The following SMC3 variants were observed in gnomAD, a reference collection of about 807,000 sequenced individuals.
SMC3 encodes structural maintenance of chromosomes protein 3.
A neutral mutation model predicts 171.8 loss-of-function variants in SMC3; 20 were observed. The observed-to-expected ratio is 0.12, with a 90% CI of 0.08 to 0.17. The LOEUF is 0.17. SMC3 is among the 10% of genes least tolerant of loss of function. The probability of loss-of-function intolerance (pLI) is 1.00; values close to 1 mark genes in which losing one functional copy is unlikely to be tolerated. For synonymous variants in SMC3, 464 were observed against 451.1 expected, an observed-to-expected ratio of 1.03 and a Z score of -0.36; for missense variants, 543 against 1,420.4, an observed-to-expected ratio of 0.38 and a Z score of 9.93.
In SMC3 at chr10:110,601,125, C is replaced by A; in HGVS notation, c.2639C>A (p.Ser880Ter). 1 of 1,611,120 alleles carries A rather than the reference C, an allele frequency of 6.2e-7. No homozygotes were observed. Among genetic ancestry groups the A allele is most frequent in the South Asian group, 1.1e-5 (1 of 91,012 alleles). Residue 880 changes from serine (S) to a stop codon, truncating the protein, a stop_gained, in exon 23 of 29, where the codon TCA (serine) becomes TAA (stop). Transcript: ENST00000361804. LOFTEE classifies it high-confidence loss of function. ...NKRVKDTMAR[S>*]EDLDNSIDKT... ...AGAGTAAAAGACACTATGGCACGAT[C>A]AGAAGGTGAATTTTTATGTAGTAAA...
rs564177969 is a variant in SMC3 at position 110,567,951 on chromosome 10, G to A, written c.15+120G>A. Reference sequence around the variant, plus strand: ...TCTCCACAGGCTGGACCAGGGCTGGGCGGGGACTGTGGGGGAGGAGGGAGA... The same window carrying A: ...TCTCCACAGGCTGGACCAGGGCTGGACGGGGACTGTGGGGGAGGAGGGAGA... On this transcript the variant is annotated intron_variant, in intron 1 of 28. Coordinates refer to ENST00000361804, the MANE Select transcript of SMC3 (RefSeq NM_005445.4). 1.5e-5 allele frequency: 19 copies of A among 1,299,546 alleles called. No homozygotes were observed. The East Asian group carries it at 3.9e-4, about 27-fold the overall frequency. 80.5% of individuals were successfully genotyped at this position (1,299,546 alleles called of 1,614,324 possible).
rs532384696 is a variant in SMC3 at position 110,585,099 on chromosome 10, G to A, written c.1305+703G>A. ...GCAATTTCGGCTCACTGCAACCTCAGCCTCCTGAGTAGCTGGGATTACAGG... is the reference window on the plus strand; with the variant it reads ...GCAATTTCGGCTCACTGCAACCTCAACCTCCTGAGTAGCTGGGATTACAGG... On this transcript the variant is annotated intron_variant, in intron 13 of 28. Transcript: ENST00000361804. Among the ~76,000 whole-genome samples, 3 of 151,744 alleles carry A rather than the reference G, an allele frequency of 2.0e-5. No homozygotes were observed. The South Asian group carries it at 6.2e-4, about 32-fold the overall frequency.
At position 110,579,107 on chromosome 10, in the gene SMC3, CAT is replaced by C. The variant is rs368128717; in HGVS notation, c.429+402_429+403del. Among the ~76,000 whole-genome samples, 351 of 152,312 alleles carry C rather than the reference CAT, an allele frequency of 2.3e-3. 4 individuals carry two copies. Among genetic ancestry groups the C allele is most frequent in the African/African-American group, 7.1e-3 (296 of 41,574 alleles). On this transcript the variant is annotated intron_variant, in intron 7 of 28. Coordinates refer to ENST00000361804, the MANE Select transcript of SMC3 (RefSeq NM_005445.4). ...TTACCAGAAATCTGCCATTTTGCCA[CAT>C]GTTATTTTCCCTAATAGGGATTATG...
chr10:110,573,046 G>A (rs1383668325), intron 2 of SMC3, among the ~76,000 whole-genome samples: 2 of 152,012 alleles, frequency 1.3e-5, no homozygotes, highest in Non-Finnish European at 2.9e-5. Context: ...GATTTACTTT[G>A]CATTAAAGGT....
At chr10:110,577,659 A>G (rs1860972211) in intron 5 of SMC3, among the ~76,000 whole-genome samples, 167 bp downstream of exon 5, 2 of 152,200 alleles carry the variant, frequency 1.3e-5, no homozygotes. Flanking sequence ...GGGAATGTAC[A>G]AACTGTTGTG....
At chr10:110,587,764 T>C (rs1447099237) in intron 13 of SMC3, among the ~76,000 whole-genome samples, 1 of 152,168 alleles carries the variant, frequency 6.6e-6, no homozygotes, top group African/African-American at 2.4e-5. Flanking sequence ...TGTTTAGGAC[T>C]GTAAAAGTTG....
chr10:110,595,342 A>G (rs958316922), intron 18 of SMC3, among the ~76,000 whole-genome samples: 2 of 152,104 alleles, frequency 1.3e-5, no homozygotes, highest in African/African-American at 4.8e-5. Flanking sequence ...AAATCCAGAA[A>G]AGTTCCATTT....
chr10:110,568,452 C>T (rs866714060), intron 1 of SMC3: 1 of 175,608 alleles, frequency 5.7e-6, no homozygotes, highest in Non-Finnish European at 1.2e-5. Context: ...CAAAGATGAG[C>T]CCAGGCACAC....
chr10:110,599,654 C>T lies in SMC3; in HGVS notation c.2269C>T (p.Gln757Ter), dbSNP rs1205108755. ...CTAATAAATGGATAATGTCATATAG[C>T]AACGTAGCTTACAGAGTTTGGAGGC... is the stretch of plus-strand genomic sequence containing the variant. ...QQSEKTFMPK[Q>*]RSLQSLEASL... Residue 757 changes from glutamine (Q) to a stop codon, truncating the protein, a stop_gained and splice_region_variant, in exon 21 of 29, where the codon CAA (glutamine) becomes TAA (stop). Coordinates refer to ENST00000361804, the MANE Select transcript of SMC3 (RefSeq NM_005445.4). LOFTEE classifies it high-confidence loss of function. The T allele has an allele frequency of 6.2e-7, 1 of 1,613,200 alleles. No individual in the cohort carries two copies. The highest frequency in any genetic ancestry group is 8.5e-7 in the Non-Finnish European group (1 of 1,179,414).
intron 2 of SMC3, among the ~76,000 whole-genome samples, 178 bp downstream of exon 2, chr10:110,569,191 T>C (rs1860829173): frequency 6.6e-6 from 1 of 152,218 alleles, no homozygotes; most frequent in South Asian, 2.1e-4. Context: ...TTTATAAACT[T>C]AAAATGTTTG....
Position 110,583,715 on chromosome 10 carries a change from C to G in SMC3, c.970-126C>G, listed in dbSNP as rs577620785. On this transcript the variant is annotated intron_variant, in intron 11 of 28. Transcript: ENST00000361804. Reference sequence around the variant, plus strand: ...CTTGGTACTGTCCCTTTGTTTCTTACATTAAAAAAGAGTTTCATGTTACAG... The same window carrying G: ...CTTGGTACTGTCCCTTTGTTTCTTAGATTAAAAAAGAGTTTCATGTTACAG... 8.6e-4 allele frequency: 1,053 copies of G among 1,230,384 alleles called. 15 individuals carry two copies. In the South Asian group the frequency reaches 0.013, roughly 15 times the overall value. The allele number at this position is 1,230,384 out of a possible 1,614,324, so 76.2% of individuals were successfully genotyped here. A position where few individuals can be genotyped will look rare whatever the true frequency, so the allele number is the denominator to read the frequency against.
In SMC3 at chr10:110,577,292, A is replaced by G. The variant is rs190245845; in HGVS notation, c.199-129A>G. On this transcript the variant is annotated intron_variant, in intron 4 of 28. Transcript: ENST00000361804. ...AGACGTTAGATTAGTGTGTGTGTGTATATATGAATCTAGCAGAAATTTTTC... is the reference window on the plus strand; with the variant it reads ...AGACGTTAGATTAGTGTGTGTGTGTGTATATGAATCTAGCAGAAATTTTTC... The G allele has an allele frequency of 5.1e-4, 365 of 710,040 alleles. 1 individual carries two copies. Among genetic ancestry groups the G allele is most frequent in the Middle Eastern group, 2.0e-3 (8 of 4,046 alleles). The allele number at this position is 710,040 out of a possible 1,614,324, so 44.0% of individuals were successfully genotyped here.
chr10:110,595,792 G>A (rs1385106197), intron 18 of SMC3, among the ~76,000 whole-genome samples: 3 of 150,996 alleles, frequency 2.0e-5, no homozygotes, highest in Non-Finnish European at 4.4e-5. Flanking sequence ...TTGTTATTTT[G>A]ATGCTCAAAT....
chr10:110,601,806 G>A lies in SMC3; in HGVS notation c.2814G>A (p.Glu938=). Residue 938 remains glutamate (E), a synonymous_variant, in exon 24 of 29, where the codon GAG becomes GAA. Coordinates refer to ENST00000361804, the MANE Select transcript of SMC3 (RefSeq NM_005445.4). ...GCATGCTATTGAAGAAGAAAGAAGA[G>A]TGTATGAAGAAAATTCGAGAACTTG... ...RQGMLLKKKE[E]CMKKIRELGS... The A allele has an allele frequency of 1.2e-6, 2 of 1,613,286 alleles. No individual in the cohort carries two copies. The highest frequency in any genetic ancestry group is 1.3e-5 in the African/African-American group (1 of 74,994).
At chr10:110,600,610 G>C in intron 22 of SMC3, 64 bp downstream of exon 22, 1 of 840,428 alleles carries the variant, frequency 1.2e-6, no homozygotes, top group Non-Finnish European at 2.1e-6. Context: ...ATTGCAAGTG[G>C]TTATATCAGA....
Position 110,603,268 on chromosome 10 carries a change from A to G in SMC3, c.3560A>G (p.Tyr1187Cys). 1.3e-6 allele frequency: 2 copies of G among 1,598,734 alleles called. No homozygotes were observed. Among genetic ancestry groups the G allele is most frequent in the Non-Finnish European group, 1.7e-6 (2 of 1,167,800 alleles). ...PELLESADKF[Y>C]GVKFRNKVSH... is the part of the protein sequence containing the mutation. ...CTGCTTGAGTCAGCTGACAAATTCT[A>G]TGGTGTAAAGTTCAGAAATAAGGTA... The change falls in exon 28 of 29, where the codon TAT (tyrosine) becomes TGT (cysteine). Residue 1187 changes from tyrosine to cysteine, a missense_variant. This residue lies in a region of SMC3 where 31 missense variants were observed against 150.9 expected (regional missense o/e 0.21). Transcript: ENST00000361804.
chr10:110,577,519 G>A lies in SMC3; in HGVS notation c.270+27G>A, dbSNP rs566007623. 85 of 1,481,306 alleles carry A rather than the reference G, an allele frequency of 5.7e-5. No homozygotes were observed. In the South Asian group the frequency reaches 8.6e-4, roughly 15 times the overall value. 91.8% of individuals were successfully genotyped at this position (1,481,306 alleles called of 1,614,324 possible). ...TAAGTAACTTTTTTTTTAAAGTAATGTTGAGAATTTAATTGGTTTAGCTGA... is the reference window on the plus strand; with the variant it reads ...TAAGTAACTTTTTTTTTAAAGTAATATTGAGAATTTAATTGGTTTAGCTGA... On this transcript the variant is annotated intron_variant, in intron 5 of 28. Coordinates refer to ENST00000361804, the MANE Select transcript of SMC3 (RefSeq NM_005445.4).
At position 110,600,549 on chromosome 10, in the gene SMC3, G is replaced by T; in HGVS notation, c.2535+3G>T. On this transcript the variant is annotated splice_donor_region_variant and intron_variant, in intron 22 of 28. Transcript: ENST00000361804. ...AACGCTTGGACCAAGTAGAACAGGTGTGTATGTGTTTTTTTTTTTTTTTTT... is the reference window on the plus strand; with the variant it reads ...AACGCTTGGACCAAGTAGAACAGGTTTGTATGTGTTTTTTTTTTTTTTTTT... 2.1e-6 allele frequency: 3 copies of T among 1,414,404 alleles called. No individual in the cohort carries two copies. The highest frequency in any genetic ancestry group is 1.7e-5 in the Admixed American group (1 of 59,230). 87.6% of individuals were successfully genotyped at this position (1,414,404 alleles called of 1,614,324 possible). A position where few individuals can be genotyped will look rare whatever the true frequency, so the allele number is the denominator to read the frequency against.
rs774724407 is a variant in SMC3, at chr10:110,567,810, C to A, written c.-7C>A. 6.2e-7 allele frequency: 1 copy of A among 1,613,494 alleles called. No individual in the cohort carries two copies. Among genetic ancestry groups the A allele is most frequent in the Non-Finnish European group, 8.5e-7 (1 of 1,179,784 alleles). ...CAGGTCTCCTTCCAGGCCAGGGGCC[C>A]GGAATCATGTACATAAAGCAGGTAA... On this transcript the variant is annotated 5_prime_UTR_variant, in exon 1 of 29. Coordinates refer to ENST00000361804, the MANE Select transcript of SMC3 (RefSeq NM_005445.4).
Sources: gnomAD v4.1 joint callset for allele counts (sites outside exome capture counted in the v4.1 genomes callset) on GRCh38, gnomAD v4.1.1 for gene constraint, gnomAD v4.1.1 regional missense constraint, MANE v1.5 for transcripts, NCBI Gene and HGNC (gene_info 2026-07-23, HGNC 2026-07-21) for gene names.